The following XKR5 variants were observed in gnomAD, a reference collection of about 807,000 sequenced individuals.
XKR5 encodes XK-related protein 5.
A neutral mutation model predicts 40.8 loss-of-function variants in XKR5; 46 were observed. That is an observed-to-expected ratio of 1.13 (90% CI 0.89 to 1.44). The LOEUF (loss-of-function observed/expected upper bound fraction) is 1.44. XKR5 is among the 40% of genes most tolerant of loss of function. The pLI, the probability that XKR5 is intolerant of heterozygous loss-of-function variation, is 0.00. For synonymous variants in XKR5, 466 were observed against 356.1 expected (o/e 1.31, Z -3.48); for missense variants, 1,169 against 844.7 (o/e 1.38, Z -4.76).
rs998161329 is a variant in XKR5, at chr8:6,825,305, G to A, written c.287C>T (p.Ala96Val). ...ALTSLQKELEAPHRGWLQLQE... is the reference protein window; with the variant it reads ...ALTSLQKELEVPHRGWLQLQE... ...CAGCTGCAGCCAGCCTCGGTGGGGAGCCTCCAGTTCCTTCTGCAGACTGGT... is the reference window on the plus strand; with the variant it reads ...CAGCTGCAGCCAGCCTCGGTGGGGAACCTCCAGTTCCTTCTGCAGACTGGT... The change falls in exon 3 of 7, where the codon GCT becomes GTT. Residue 96 changes from alanine (A) to valine (V), a missense_variant. Ala to Val is a moderately conservative substitution (Grantham distance 64, BLOSUM62 0). Transcript: ENST00000618742. The A allele has an allele frequency of 3.1e-6, 5 of 1,606,736 alleles. No individual in the cohort carries two copies. The highest frequency in any genetic ancestry group is 1.3e-5 in the African/African-American group (1 of 74,494).
intron 5 of XKR5, among the ~76,000 whole-genome samples, chr8:6,820,764 G>A (rs1468723615): frequency 1.3e-5 from 2 of 152,160 alleles, no homozygotes; most frequent in Non-Finnish European, 2.9e-5. Context: ...TGTGAGCTCT[G>A]CCTGGCTCTA....
intron 6 of XKR5, among the ~76,000 whole-genome samples, chr8:6,813,089 G>C (rs1803811680): frequency 6.6e-6 from 1 of 152,214 alleles, no homozygotes; most frequent in African/African-American, 2.4e-5. Context: ...AGTAATGCCT[G>C]AGAAGGCCAG....
chr8:6,815,748 T>TA (rs112269595), intron 6 of XKR5, 59 bp downstream of exon 6: 29,410 of 1,050,582 alleles, frequency 0.028, 113 homozygotes, highest in African/African-American at 0.081. Context: ...GAGCCCATTG[T>TA]AAAAAAAAAA....
At chr8:6,825,806 C>T (rs1405378487) in intron 2 of XKR5, among the ~76,000 whole-genome samples, 2 of 152,330 alleles carry the variant, frequency 1.3e-5, no homozygotes, top group South Asian at 2.1e-4. Flanking sequence ...TCTTCATCCT[C>T]ACAGAATGTA....
At chr8:6,812,803 C>T (rs1803798231) in intron 6 of XKR5, among the ~76,000 whole-genome samples, 1 of 152,152 alleles carries the variant, frequency 6.6e-6, no homozygotes, top group East Asian at 1.9e-4. Flanking sequence ...TAAGAAATAA[C>T]CTCAAAAACA....
intron 5 of XKR5, among the ~76,000 whole-genome samples, chr8:6,819,376 C>G (rs887557282): frequency 3.9e-5 from 6 of 152,214 alleles, no homozygotes; most frequent in Admixed American, 2.0e-4. Flanking sequence ...GAGTGGCGCC[C>G]CAGTCTGTCC....
intron 6 of XKR5, among the ~76,000 whole-genome samples, chr8:6,813,663 G>A (rs1289190846): frequency 1.3e-5 from 2 of 152,204 alleles, no homozygotes; most frequent in Non-Finnish European, 2.9e-5. Context: ...GAGGAGGAGC[G>A]GCAGACAAGG....
At chr8:6,834,563 G>C (rs1804920093) in intron 1 of XKR5, among the ~76,000 whole-genome samples, 1 of 152,244 alleles carries the variant, frequency 6.6e-6, no homozygotes, top group Admixed American at 6.5e-5. Context: ...CAGGGCGCTT[G>C]CGCGTCCTCC....
intron 2 of XKR5, among the ~76,000 whole-genome samples, chr8:6,828,215 C>T (rs562814392): frequency 6.6e-6 from 1 of 152,126 alleles, no homozygotes; most frequent in Non-Finnish European, 1.5e-5. Context: ...GTGGTGGAAT[C>T]AGAGTCACAG....
intron 2 of XKR5, among the ~76,000 whole-genome samples, chr8:6,830,236 C>T (rs1428835778): frequency 6.6e-6 from 1 of 152,204 alleles, no homozygotes; most frequent in African/African-American, 2.4e-5. Context: ...GTGACCTATT[C>T]TTAGGCAATT....
At chr8:6,823,270 AAG>A (rs1202532741) in intron 4 of XKR5, among the ~76,000 whole-genome samples, 2 of 152,150 alleles carry the variant, frequency 1.3e-5, no homozygotes, top group East Asian at 3.9e-4. Context: ...GTTTTTATAG[AAG>A]ACTAGCAGTT....
chr8:6,812,570 C>G (rs1325640013), intron 6 of XKR5, among the ~76,000 whole-genome samples: 1 of 152,174 alleles, frequency 6.6e-6, no homozygotes, highest in Non-Finnish European at 1.5e-5. Context: ...AGGCTTAAAT[C>G]CGATTGATTC....
intron 3 of XKR5, among the ~76,000 whole-genome samples, chr8:6,824,849 A>G (rs1397021044): frequency 6.6e-6 from 1 of 152,162 alleles, no homozygotes; most frequent in Non-Finnish European, 1.5e-5. Context: ...TTAAAGACAC[A>G]AGAAAAACAT....
intron 1 of XKR5, 144 bp downstream of exon 1, chr8:6,835,292 C>G (rs1340171726): frequency 2.5e-6 from 2 of 791,034 alleles, no homozygotes; most frequent in Non-Finnish European, 3.6e-6. Flanking sequence ...GGTGGGATGG[C>G]CACCACCGTG....
intron 2 of XKR5, among the ~76,000 whole-genome samples, chr8:6,825,891 T>A (rs1804450979): frequency 6.6e-6 from 1 of 151,704 alleles, no homozygotes; most frequent in South Asian, 2.1e-4. Context: ...TGCTGGGGAG[T>A]GGCCAGAGGT....
chr8:6,817,923 G>A (rs1417042613), intron 5 of XKR5, among the ~76,000 whole-genome samples: 1 of 152,150 alleles, frequency 6.6e-6, no homozygotes, highest in African/African-American at 2.4e-5. Flanking sequence ...AACAAACACA[G>A]ATGGCACACT....
intron 4 of XKR5, 94 bp downstream of exon 4, chr8:6,823,427 G>T: frequency 7.4e-7 from 1 of 1,356,850 alleles, no homozygotes; most frequent in Non-Finnish European, 1.0e-6. Flanking sequence ...TTCAGGCCTG[G>T]GATTGAGGAT....
intron 3 of XKR5, 45 bp downstream of exon 3, chr8:6,825,120 C>A: frequency 2.5e-6 from 4 of 1,607,150 alleles, no homozygotes; most frequent in Non-Finnish European, 3.4e-6. Flanking sequence ...TCCTGTCCCC[C>A]TTCGGCAGTC....
At chr8:6,827,443 C>G (rs1020082341) in intron 2 of XKR5, among the ~76,000 whole-genome samples, 8 of 152,204 alleles carry the variant, frequency 5.3e-5, no homozygotes, top group African/African-American at 1.9e-4. Context: ...GCAAACATTT[C>G]TATGTCCAGA....
Sources: allele counts gnomAD v4.1 joint callset (sites outside exome capture counted in the v4.1 genomes callset), GRCh38; gene constraint gnomAD v4.1.1; transcripts MANE v1.5; gene names NCBI Gene and HGNC (gene_info 2026-07-23, HGNC 2026-07-21).